OR52N4: variants seen among roughly 807,000 people sequenced by gnomAD.
The protein encoded by OR52N4 is olfactory receptor 52N4.
A neutral mutation model predicts 15.0 loss-of-function variants in OR52N4; 15 were observed. That is an observed-to-expected ratio of 1.00 (90% CI 0.67 to 1.54). The LOEUF (loss-of-function observed/expected upper bound fraction) is 1.54. Among genes scored for constraint, OR52N4 ranks in the 40% most tolerant of loss-of-function variants. The pLI, the probability that OR52N4 is intolerant of heterozygous loss-of-function variation, is 0.00. For synonymous variants in OR52N4, 143 were observed against 143.7 expected, an observed-to-expected ratio of 1.00 and a Z score of 0.03; for missense variants, 421 against 394.0, an observed-to-expected ratio of 1.07 and a Z score of -0.58.
chr11:5,732,475 T>C, the OR52N4 span, among the ~76,000 whole-genome samples: 1 of 152,198 alleles, frequency 6.6e-6, no homozygotes, highest in Non-Finnish European at 1.5e-5. Flanking sequence ...TCCATCAATA[T>C]TACTTTAAAC....
At chr11:5,753,508 G>T (rs1008655022), upstream of OR52N4, among the ~76,000 whole-genome samples, 8 of 152,124 alleles carry the variant, frequency 5.3e-5, no homozygotes, top group Admixed American at 5.2e-4. Flanking sequence ...TTTTCTGTAT[G>T]TATGCATTTG....
upstream of OR52N4, among the ~76,000 whole-genome samples, chr11:5,750,528 G>A (rs10838605): frequency 0.49 from 73,774 of 151,606 alleles, 18,983 homozygotes; most frequent in Non-Finnish European, 0.57. Flanking sequence ...GAAAAGAATC[G>A]TGACACTATT....
the OR52N4 span, chr11:5,734,178 G>C: frequency 1.3e-5 from 6 of 456,350 alleles, no homozygotes; most frequent in Admixed American, 2.4e-5. Context: ...TCTTTGCCCA[G>C]TAGAAAACTT....
the OR52N4 span, among the ~76,000 whole-genome samples, chr11:5,728,947 T>G: frequency 3.3e-5 from 5 of 152,066 alleles, no homozygotes; most frequent in Non-Finnish European, 4.4e-5. Flanking sequence ...CGTGCAGGTT[T>G]GTTACATATG....
At chr11:5,732,833 C>T in the OR52N4 span, among the ~76,000 whole-genome samples, 1 of 152,168 alleles carries the variant, frequency 6.6e-6, no homozygotes, top group Non-Finnish European at 1.5e-5. Context: ...TTGGATGCTT[C>T]AAAGGTAGGC....
the OR52N4 span, among the ~76,000 whole-genome samples, chr11:5,731,323 T>G: frequency 2.4e-4 from 36 of 152,292 alleles, no homozygotes; most frequent in Admixed American, 1.2e-3. Flanking sequence ...ATGAGCTTCT[T>G]TAAGCATTTT....
the OR52N4 span, among the ~76,000 whole-genome samples, chr11:5,743,177 T>A: frequency 6.6e-6 from 1 of 151,274 alleles, no homozygotes; most frequent in African/African-American, 2.4e-5. Flanking sequence ...AATTCAAGAA[T>A]ACAATGTGAC....
chr11:5,727,260 T>C, the OR52N4 span: 2 of 153,350 alleles, frequency 1.3e-5, no homozygotes, highest in East Asian at 1.9e-4. Flanking sequence ...TCATCTCTTA[T>C]ACACCAGCCC....
rs1854260000 is a variant in OR52N4, at chr11:5,754,735, C to T, written c.-6C>T. 6.2e-7 allele frequency: 1 copy of T among 1,605,856 alleles called. No individual in the cohort carries two copies. Among genetic ancestry groups the T allele is most frequent in the African/African-American group, 1.3e-5 (1 of 74,752 alleles). Reference sequence around the variant, plus strand: ...TTGAGCTATTTCATAACCTACCAGACTTATCATGCTAACACTGAATAAAAC... The same window carrying T: ...TTGAGCTATTTCATAACCTACCAGATTTATCATGCTAACACTGAATAAAAC... On this transcript the variant is annotated 5_prime_UTR_variant, in exon 2 of 2. Coordinates refer to ENST00000641350, the MANE Select transcript of OR52N4 (RefSeq NM_001005175.5).
the OR52N4 span, chr11:5,736,674 T>G: frequency 5.0e-6 from 8 of 1,613,846 alleles, no homozygotes; most frequent in Non-Finnish European, 6.8e-6. Flanking sequence ...GCAAACACCC[T>G]CATCCTCATC....
upstream of OR52N4, among the ~76,000 whole-genome samples, chr11:5,750,812 A>T (rs889095833): frequency 3.9e-5 from 6 of 152,046 alleles, no homozygotes; most frequent in Non-Finnish European, 5.9e-5. Flanking sequence ...ATGCTTTTAC[A>T]AAATAATAAT....
the OR52N4 span, among the ~76,000 whole-genome samples, chr11:5,732,307 T>G: frequency 6.6e-6 from 1 of 152,220 alleles, no homozygotes; most frequent in African/African-American, 2.4e-5. Context: ...TACATTTTCT[T>G]GTTTGTACAA....
the OR52N4 span, among the ~76,000 whole-genome samples, chr11:5,746,879 C>T: frequency 2.6e-5 from 4 of 151,882 alleles, no homozygotes; most frequent in African/African-American, 9.7e-5. Context: ...CAGCACTATT[C>T]ATAATAGCAA....
At chr11:5,739,768 TA>T in the OR52N4 span, among the ~76,000 whole-genome samples, 1 of 128,356 alleles carries the variant, frequency 7.8e-6, no homozygotes, top group Non-Finnish European at 1.7e-5. Flanking sequence ...TCTACACCAT[TA>T]GATGCATCTG....
the OR52N4 span, chr11:5,736,774 C>T: frequency 2.1e-5 from 34 of 1,613,960 alleles, no homozygotes; most frequent in Admixed American, 4.3e-4. Context: ...CCACTACTAT[C>T]ATCCCTAAGA....
At chr11:5,737,506 A>T in the OR52N4 span, 2 of 1,594,666 alleles carry the variant, frequency 1.3e-6, no homozygotes, top group Non-Finnish European at 1.7e-6. Context: ...CTTCTCCATG[A>T]TGTACATGAA....
At chr11:5,728,541 C>T in the OR52N4 span, among the ~76,000 whole-genome samples, 1 of 152,138 alleles carries the variant, frequency 6.6e-6, no homozygotes, top group Admixed American at 6.5e-5. Context: ...ATTTTGAGTT[C>T]GCCAATAGTA....
chr11:5,741,896 A>T, the OR52N4 span, among the ~76,000 whole-genome samples: 1 of 152,192 alleles, frequency 6.6e-6, no homozygotes, highest in Non-Finnish European at 1.5e-5. Flanking sequence ...AACAAGGGTG[A>T]CGCCTAACAT....
At chr11:5,729,063 GGT>G in the OR52N4 span, among the ~76,000 whole-genome samples, 1 of 141,250 alleles carries the variant, frequency 7.1e-6, no homozygotes. Flanking sequence ...AACAGACCCC[GGT>G]GTGTGATGTT....
Sources: allele counts gnomAD v4.1 joint callset (sites outside exome capture counted in the v4.1 genomes callset), GRCh38; gene constraint gnomAD v4.1.1; transcripts MANE v1.5; gene names NCBI Gene and HGNC (gene_info 2026-07-23, HGNC 2026-07-21).